Variants in TM4SF20 observed in about 807,000 individuals in gnomAD.
TM4SF20 encodes the protein transmembrane 4 L six family member 20.
Under a neutral mutation model 15.1 loss-of-function variants are expected in TM4SF20, and 13 were observed. The ratio of observed to expected loss-of-function variants is 0.86; its 90% confidence interval spans 0.56 to 1.36. TM4SF20 has a LOEUF of 1.36. Ranked by LOEUF, TM4SF20 falls within the 40% of genes most tolerant of loss-of-function variation. TM4SF20 has a pLI of 0.00. For synonymous variants in TM4SF20, 92 were observed against 96.6 expected, an observed-to-expected ratio of 0.95 and a Z score of 0.28; for missense variants, 282 against 268.4, an observed-to-expected ratio of 1.05 and a Z score of -0.35.
Position 227,365,860 on chromosome 2 carries a change from T to TAGTCCTTTTAGACAATATCTAAA in TM4SF20, c.401+210_401+232dup, listed in dbSNP as rs534551249. On this transcript the variant is annotated intron_variant, in intron 3 of 3. Transcript: ENST00000304568. Reference sequence around the variant, plus strand: ...CAAGCATAAGCCATTTGAGATCAACTAGTCCTTTTAGACAATATCTAAAAG... The same window carrying TAGTCCTTTTAGACAATATCTAAA: ...CAAGCATAAGCCATTTGAGATCAACTAGTCCTTTTAGACAATATCTAAAAGTCCTTTTAGACAATATCTAAAAG... Among the ~76,000 whole-genome samples the TAGTCCTTTTAGACAATATCTAAA allele has an allele frequency of 5.3e-5, 8 of 152,352 alleles. No individual in the cohort carries two copies. In the South Asian group the frequency reaches 1.4e-3, roughly 28 times the overall value.
At chr2:227,370,632 C>A (rs974051552) in intron 2 of TM4SF20, among the ~76,000 whole-genome samples, 7 of 152,124 alleles carry the variant, frequency 4.6e-5, no homozygotes, top group African/African-American at 1.7e-4. Flanking sequence ...ATGGTGTGCA[C>A]CTGTAGTCCC....
At chr2:227,372,411 C>T (rs552392691) in intron 1 of TM4SF20, among the ~76,000 whole-genome samples, 2 of 152,056 alleles carry the variant, frequency 1.3e-5, no homozygotes, top group Admixed American at 6.6e-5. Context: ...TTTAGGAGGC[C>T]GAGGTGGGTG....
At chr2:227,378,837 G>C (rs1010097056) in intron 1 of TM4SF20, among the ~76,000 whole-genome samples, 1 of 152,204 alleles carries the variant, frequency 6.6e-6, no homozygotes, top group Non-Finnish European at 1.5e-5. Context: ...AAATGTGAGA[G>C]ATAATAACCC....
chr2:227,374,941 AT>A (rs1213212785), intron 1 of TM4SF20, among the ~76,000 whole-genome samples: 2 of 146,394 alleles, frequency 1.4e-5, no homozygotes, highest in East Asian at 2.0e-4. Flanking sequence ...AAAAAAAAAA[AT>A]TTTGAGACAG....
At chr2:227,365,988 C>T in intron 3 of TM4SF20, 105 bp downstream of exon 3, 2 of 1,175,940 alleles carry the variant, frequency 1.7e-6, no homozygotes, top group South Asian at 1.8e-5. Flanking sequence ...TTTGTCCCGG[C>T]AGTTGCATCA....
intron 3 of TM4SF20, among the ~76,000 whole-genome samples, chr2:227,365,063 A>G (rs2076385407): frequency 6.6e-6 from 1 of 152,156 alleles, no homozygotes; most frequent in South Asian, 2.1e-4. Context: ...GGCGCGTGCC[A>G]CCACGCCTGG....
intron 2 of TM4SF20, among the ~76,000 whole-genome samples, chr2:227,368,017 CTAT>C (rs2076401222): frequency 1.7e-5 from 2 of 116,696 alleles, no homozygotes; most frequent in South Asian, 2.7e-4. Context: ...TTTTAACCAT[CTAT>C]TTTTTTTTTT....
chr2:227,377,236 G>T (rs1214239496), intron 1 of TM4SF20, among the ~76,000 whole-genome samples: 3 of 152,214 alleles, frequency 2.0e-5, no homozygotes, highest in Non-Finnish European at 2.9e-5. Flanking sequence ...CATGGAAATT[G>T]CTATCGTTAA....
At position 227,370,977 on chromosome 2, in the gene TM4SF20, T is replaced by C; in HGVS notation, c.187A>G (p.Ile63Val). The change falls in exon 2 of 4, where the codon ATT becomes GTT. Residue 63 changes from isoleucine (I) to valine (V), a missense_variant. Ile to Val is a conservative substitution (Grantham distance 29, BLOSUM62 3). Transcript: ENST00000304568. The part of the protein sequence containing the change: ...PGIIGAGLMA[I>V]PATTMSLTAR... ...GTCAAGGACATTGTTGTTGCTGGAA[T>C]GGCCTGGAAATGACATCAACAGGAA... is the stretch of plus-strand genomic sequence containing the variant. The C allele has an allele frequency of 6.2e-7, 1 of 1,613,954 alleles. No individual in the cohort carries two copies. Among genetic ancestry groups the C allele is most frequent in the Non-Finnish European group, 8.5e-7 (1 of 1,179,868 alleles).
At chr2:227,378,870 TA>T (rs968472653) in intron 1 of TM4SF20, among the ~76,000 whole-genome samples, 6 of 152,206 alleles carry the variant, frequency 3.9e-5, no homozygotes, top group African/African-American at 1.2e-4. Flanking sequence ...CTAATTAATT[TA>T]TTTTTTTGCC....
intron 1 of TM4SF20, among the ~76,000 whole-genome samples, chr2:227,376,472 G>A (rs996918192): frequency 6.6e-6 from 1 of 152,154 alleles, no homozygotes; most frequent in African/African-American, 2.4e-5. Context: ...GTTTGCTTGT[G>A]GGCATAGCCT....
intron 2 of TM4SF20, among the ~76,000 whole-genome samples, chr2:227,368,759 G>T (rs1171386592): frequency 6.6e-6 from 1 of 152,232 alleles, no homozygotes; most frequent in African/African-American, 2.4e-5. Context: ...TCACTTAAAT[G>T]ATTCAGCAAA....
intron 3 of TM4SF20, among the ~76,000 whole-genome samples, chr2:227,364,977 C>A (rs1244133880): frequency 6.6e-6 from 1 of 152,200 alleles, no homozygotes; most frequent in African/African-American, 2.4e-5. Context: ...GTGGCTTGAT[C>A]TTGGCTCACT....
chr2:227,379,388 G>C (rs2076469199), upstream of TM4SF20: 2 of 823,606 alleles, frequency 2.4e-6, no homozygotes, highest in African/African-American at 3.4e-5. Flanking sequence ...GTGGAAAATA[G>C]TTCAGAGTCC....
intron 1 of TM4SF20, 142 bp downstream of exon 1, chr2:227,378,944 A>G: frequency 5.5e-6 from 4 of 732,256 alleles, no homozygotes; most frequent in Non-Finnish European, 8.9e-6. Flanking sequence ...ACTGATGACC[A>G]ATATAAATTA....
In TM4SF20 at chr2:227,375,076, A is replaced by G. The variant is rs374764363; in HGVS notation, c.183+4010T>C. On this transcript the variant is annotated intron_variant, in intron 1 of 3. Coordinates refer to ENST00000304568, the MANE Select transcript of TM4SF20 (RefSeq NM_024795.4). ...CGAGTAGCTGGGATTACAGGCATGC[A>G]CCACCATGCCTGGCTAATTTTTGTA... Among the ~76,000 whole-genome samples the G allele has an allele frequency of 2.4e-4, 36 of 151,744 alleles. No homozygotes were observed. In the East Asian group the frequency reaches 5.5e-3, roughly 23 times the overall value.
intron 2 of TM4SF20, among the ~76,000 whole-genome samples, chr2:227,368,433 C>T (rs2106490427): frequency 6.6e-6 from 1 of 150,570 alleles, no homozygotes; most frequent in South Asian, 2.1e-4. Context: ...TCACTGTAAC[C>T]TCTGCCTCCT....
chr2:227,372,863 C>G (rs33999641), intron 1 of TM4SF20, among the ~76,000 whole-genome samples: 12,718 of 152,078 alleles, frequency 0.084, 560 homozygotes, highest in Admixed American at 0.11. Flanking sequence ...TGCCATCACG[C>G]CCTGTTAGTT....
chr2:227,379,275 C>T lies in TM4SF20; in HGVS notation c.-7G>A. The T allele has an allele frequency of 2.5e-6, 4 of 1,612,198 alleles. No homozygotes were observed. Among genetic ancestry groups the T allele is most frequent in the Non-Finnish European group, 3.4e-6 (4 of 1,178,794 alleles). ...ATCCTTCGCAGCAGGTCATGGTCAC[C>T]CCTGGCTCAGAAACGTTGTCAAAGT... On this transcript the variant is annotated 5_prime_UTR_variant, in exon 1 of 4. Coordinates refer to ENST00000304568, the MANE Select transcript of TM4SF20 (RefSeq NM_024795.4).
Sources: allele counts gnomAD v4.1 joint callset (sites outside exome capture counted in the v4.1 genomes callset), GRCh38; gene constraint gnomAD v4.1.1; transcripts MANE v1.5; gene names NCBI Gene and HGNC (gene_info 2026-07-23, HGNC 2026-07-21).